The following IREB2 variants were observed in gnomAD, a reference collection of about 807,000 sequenced individuals.
IREB2 encodes iron responsive element binding protein 2.
IREB2 carries 39 observed loss-of-function variants against 118.8 expected under a neutral mutation model. The ratio of observed to expected loss-of-function variants is 0.33; its 90% CI spans 0.25 to 0.43. The LOEUF (loss-of-function observed/expected upper bound fraction) is 0.43. Among genes scored for constraint, IREB2 ranks in the 20% least tolerant of loss-of-function variants. The pLI is 1.00. For missense variants in IREB2, 900 were observed against 1,147.3 expected (o/e 0.78, Z 3.11); for synonymous variants, 372 against 392.2 (o/e 0.95, Z 0.61).
intron 8 of IREB2, 24 bp from the exon 9 acceptor site, chr15:78,476,164 T>C: frequency 1.3e-6 from 2 of 1,510,160 alleles, no homozygotes; most frequent in Non-Finnish European, 1.8e-6. Context: ...ATTTTGTATG[T>C]GTTTCTGTGT....
At chr15:78,446,842 G>A (rs2050937509) in intron 2 of IREB2, among the ~76,000 whole-genome samples, 1 of 151,850 alleles carries the variant, frequency 6.6e-6, no homozygotes, top group Non-Finnish European at 1.5e-5. Context: ...GCACCATGAA[G>A]GACATCTGTT....
chr15:78,458,184 T>C (rs956693952), intron 2 of IREB2, among the ~76,000 whole-genome samples: 31 of 152,224 alleles, frequency 2.0e-4, no homozygotes, highest in Non-Finnish European at 8.8e-5. Flanking sequence ...TAATCCTTTT[T>C]CTACTTTACG....
Position 78,471,923 on chromosome 15 carries a change from G to T in IREB2, c.882G>T (p.Trp294Cys), listed in dbSNP as rs749929640. 6.4e-7 allele frequency: 1 copy of T among 1,563,448 alleles called. No individual in the cohort carries two copies. The highest frequency in any genetic ancestry group is 1.2e-5 in the South Asian group (1 of 80,778). ...TMVNGLGILG[W>C]GVGGIETEAV... ...TGAATGGTTTAGGGATTCTGGGGTG[G>T]GGTAAGTAAATGACTAAATATATTT... is the stretch of plus-strand genomic sequence containing the variant. The change falls in exon 7 of 22, where the codon TGG (tryptophan) becomes TGT (cysteine). Residue 294 changes from tryptophan (W) to cysteine (C), a missense_variant and splice_region_variant. Coordinates refer to ENST00000258886, the MANE Select transcript of IREB2 (RefSeq NM_004136.4).
At chr15:78,487,455 C>T (rs185220362) in intron 13 of IREB2, among the ~76,000 whole-genome samples, 101 of 152,160 alleles carry the variant, frequency 6.6e-4, no homozygotes, top group African/African-American at 2.3e-3. Flanking sequence ...GGCCTGGTGG[C>T]GAGCGCCTGT....
intron 2 of IREB2, among the ~76,000 whole-genome samples, chr15:78,440,275 A>G (rs1227069947): frequency 1.3e-5 from 2 of 152,096 alleles, no homozygotes; most frequent in East Asian, 1.9e-4. Context: ...CATGTAAGCT[A>G]CTGCGCCTGG....
At chr15:78,448,436 C>T (rs1021761077) in intron 2 of IREB2, among the ~76,000 whole-genome samples, 2 of 152,092 alleles carry the variant, frequency 1.3e-5, no homozygotes, top group Non-Finnish European at 2.9e-5. Context: ...TGAGCCATCA[C>T]GCCGGGCCCA....
At chr15:78,478,494 A>G (rs1017795488) in intron 10 of IREB2, 97 bp downstream of exon 10, 2 of 722,434 alleles carry the variant, frequency 2.8e-6, no homozygotes, top group Admixed American at 4.5e-5. Flanking sequence ...TTTGAGTTCA[A>G]GAGTTTGAGA....
At chr15:78,463,241 T>G (rs1388581741) in intron 3 of IREB2, among the ~76,000 whole-genome samples, 154 bp downstream of exon 3, 2 of 152,142 alleles carry the variant, frequency 1.3e-5, no homozygotes, top group Non-Finnish European at 2.9e-5. Context: ...GAGTTTGCAG[T>G]CAGTCTGGGC....
chr15:78,452,450 G>A (rs1443230165), intron 2 of IREB2, among the ~76,000 whole-genome samples: 1 of 152,158 alleles, frequency 6.6e-6, no homozygotes, highest in Admixed American at 6.5e-5. Flanking sequence ...TGTAGATGTA[G>A]TGATAATTGA....
At chr15:78,494,575 T>G (rs909981129) in intron 20 of IREB2, among the ~76,000 whole-genome samples, 2 of 152,126 alleles carry the variant, frequency 1.3e-5, no homozygotes, top group Non-Finnish European at 2.9e-5. Flanking sequence ...TATTGATCAT[T>G]TTTTTTGGTT....
intron 18 of IREB2, among the ~76,000 whole-genome samples, chr15:78,493,642 A>G (rs557289510): frequency 3.3e-5 from 5 of 151,822 alleles, no homozygotes; most frequent in East Asian, 1.9e-4. Flanking sequence ...TTAAGAGTCT[A>G]CATCTTTTAG....
intron 1 of IREB2, chr15:78,438,745 T>C: frequency 3.3e-6 from 1 of 304,754 alleles, no homozygotes. Context: ...GGCCTGCGTC[T>C]CCGTGTTCGG....
At chr15:78,441,885 T>A (rs1394645255) in intron 2 of IREB2, among the ~76,000 whole-genome samples, 1 of 151,952 alleles carries the variant, frequency 6.6e-6, no homozygotes, top group Non-Finnish European at 1.5e-5. Context: ...TACCCTGGTT[T>A]TTATTTTATT....
In IREB2 at chr15:78,465,114, T is replaced by C. The variant is rs142357082; in HGVS notation, c.273-137T>C. ...CTTATTAAACAGGATACTCCTAACT[T>C]ATAAAGTACATTATGAAAAATGAAT... On this transcript the variant is annotated intron_variant, in intron 3 of 21. Coordinates refer to ENST00000258886, the MANE Select transcript of IREB2 (RefSeq NM_004136.4). 1.1e-4 allele frequency: 76 copies of C among 684,042 alleles called. No homozygotes were observed. The African/African-American group carries it at 1.3e-3, about 12-fold the overall frequency. 42.4% of individuals were successfully genotyped at this position (684,042 alleles called of 1,614,324 possible). A position where few individuals can be genotyped will look rare whatever the true frequency, so the allele number is the denominator to read the frequency against.
intron 8 of IREB2, chr15:78,475,980 T>G (rs1334376251): frequency 2.6e-6 from 1 of 390,742 alleles, no homozygotes; most frequent in African/African-American, 2.0e-5. Context: ...CTACCCTGAT[T>G]AACAGTGACA....
At chr15:78,438,156 GCGACAAATCCCGCGAGCGCAGA>G, upstream of IREB2, 1 of 573,274 alleles carries the variant, frequency 1.7e-6, no homozygotes, top group Non-Finnish European at 3.2e-6. Context: ...CGGGAGTTAG[GCGACAAATCCCGCGAGCGCAGA>G]CCCGGGGCTG....
intron 2 of IREB2, among the ~76,000 whole-genome samples, chr15:78,451,630 C>A (rs1000553957): frequency 3.9e-5 from 6 of 152,148 alleles, no homozygotes; most frequent in African/African-American, 1.4e-4. Context: ...AATCTGAAAT[C>A]TGAAACTTTT....
chr15:78,486,386 C>A (rs927568381), intron 13 of IREB2, among the ~76,000 whole-genome samples: 1 of 152,166 alleles, frequency 6.6e-6, no homozygotes, highest in Non-Finnish European at 1.5e-5. Context: ...GCAGGCAAAT[C>A]ATGAGGCCAG....
At chr15:78,490,240 A>T (rs967140354) in intron 16 of IREB2, among the ~76,000 whole-genome samples, 182 bp from the exon 17 acceptor site, 3 of 152,216 alleles carry the variant, frequency 2.0e-5, no homozygotes, top group South Asian at 2.1e-4. Context: ...ATAAAAATTT[A>T]AAATTTTTTA....
Sources: gnomAD v4.1 joint callset for allele counts (sites outside exome capture counted in the v4.1 genomes callset) on GRCh38, gnomAD v4.1.1 for gene constraint, MANE v1.5 for transcripts, NCBI Gene and HGNC (gene_info 2026-07-23, HGNC 2026-07-21) for gene names.